Variants in SLC15A5 observed in about 807,000 individuals in gnomAD.
SLC15A5 encodes Peptide/histidine transporter ENSP00000340402.
SLC15A5 carries 58 observed loss-of-function variants against 56.1 expected under a neutral mutation model. The observed-to-expected ratio is 1.03, with a 90% CI of 0.84 to 1.29. SLC15A5 has a LOEUF of 1.29. Among genes scored for constraint, SLC15A5 ranks in the 50% most tolerant of loss-of-function variants. The pLI is 0.00. For synonymous variants in SLC15A5, 264 were observed against 250.5 expected (o/e 1.05, Z -0.51); for missense variants, 681 against 672.1 (o/e 1.01, Z -0.15).
At chr12:16,210,487 T>C (rs1172072904) in intron 7 of SLC15A5, among the ~76,000 whole-genome samples, 1 of 152,198 alleles carries the variant, frequency 6.6e-6, no homozygotes, top group Non-Finnish European at 1.5e-5. Flanking sequence ...ACCTGGAAGA[T>C]GTTGAGGTCC....
chr12:16,220,457 A>C (rs1277532782), intron 6 of SLC15A5, among the ~76,000 whole-genome samples: 5 of 152,148 alleles, frequency 3.3e-5, no homozygotes, highest in Admixed American at 1.3e-4. Flanking sequence ...TCTCCAATCT[A>C]CCTCAGCTTC....
chr12:16,192,703 CTGAACTCTGT>C (rs889405639), intron 8 of SLC15A5, among the ~76,000 whole-genome samples: 2 of 152,032 alleles, frequency 1.3e-5, no homozygotes, highest in Non-Finnish European at 2.9e-5. Context: ...CCATTTCTAC[CTGAACTCTGT>C]GCATGACTGC....
At chr12:16,203,804 A>G (rs1863986760) in intron 7 of SLC15A5, among the ~76,000 whole-genome samples, 1 of 152,148 alleles carries the variant, frequency 6.6e-6, no homozygotes, top group Non-Finnish European at 1.5e-5. Context: ...TGAAAAAGTA[A>G]AAGGGTCAAC....
At chr12:16,219,187 A>G (rs1008495530) in intron 6 of SLC15A5, among the ~76,000 whole-genome samples, 2 of 152,160 alleles carry the variant, frequency 1.3e-5, no homozygotes, top group African/African-American at 4.8e-5. Flanking sequence ...CTTTTCCCAC[A>G]AACGCTGATT....
At position 16,235,164 on chromosome 12, in the gene SLC15A5, CAT is replaced by C. The variant is rs1230232091; in HGVS notation, c.1162+4515_1162+4516del. 6.6e-6 allele frequency among the ~76,000 whole-genome samples: 1 copy of C among 151,292 alleles called. No individual in the cohort carries two copies. Among genetic ancestry groups the C allele is most frequent in the African/African-American group, 2.4e-5 (1 of 41,232 alleles). On this transcript the variant is annotated intron_variant, in intron 5 of 8. Transcript: ENST00000344941. The surrounding 1 kb of genome is among the most constrained non-coding windows in gnomAD (Gnocchi z 4.1). Reference sequence around the variant, plus strand: ...ATTTGTCACTCACTTTTTAGGGTGGCATATGTTTTTTATTTTTATTGTTTTCC... The same window carrying C: ...ATTTGTCACTCACTTTTTAGGGTGGCATGTTTTTTATTTTTATTGTTTTCC...
At chr12:16,210,535 G>A (rs1864069482) in intron 7 of SLC15A5, among the ~76,000 whole-genome samples, 1 of 152,128 alleles carries the variant, frequency 6.6e-6, no homozygotes, top group South Asian at 2.1e-4. Context: ...ATTATTTTTT[G>A]TGCACCTACA....
intron 2 of SLC15A5, among the ~76,000 whole-genome samples, chr12:16,259,024 C>CTTTTTTTTTTTTT (rs5796661): frequency 4.7e-5 from 3 of 63,216 alleles, no homozygotes; most frequent in Admixed American, 2.5e-4. Context: ...TCTTTCTTTC[C>CTTTTTTTTTTTTT]TTTTTTTTTT....
chr12:16,200,580 A>G (rs1045279062), intron 7 of SLC15A5, among the ~76,000 whole-genome samples: 2 of 152,120 alleles, frequency 1.3e-5, no homozygotes, highest in South Asian at 2.1e-4. Context: ...ACCCTCTTAC[A>G]GAAGTTTCAA....
In SLC15A5 at chr12:16,272,692, C is replaced by T; in HGVS notation, c.453G>A (p.Gln151=). ...GCAGTGCTACATAAAACAGCCTGTGCTGCTCTGTTTTTGGTATGTTGTTAA... is the reference window on the plus strand; with the variant it reads ...GCAGTGCTACATAAAACAGCCTGTGTTGCTCTGTTTTTGGTATGTTGTTAA... The part of the protein sequence containing the change: ...HAVNNIPKTE[Q]HRLFYVALLT... Residue 151 remains glutamine (Q), a synonymous_variant, in exon 2 of 9, where the codon CAG becomes CAA. Coordinates refer to ENST00000344941, the MANE Select transcript of SLC15A5 (RefSeq NM_001170798.1). The T allele has an allele frequency of 6.5e-7, 1 of 1,537,206 alleles. No homozygotes were observed. Among genetic ancestry groups the T allele is most frequent in the Non-Finnish European group, 8.7e-7 (1 of 1,146,774 alleles).
chr12:16,274,340 T>A (rs1366315102), intron 1 of SLC15A5, among the ~76,000 whole-genome samples: 3 of 152,140 alleles, frequency 2.0e-5, no homozygotes, highest in Non-Finnish European at 4.4e-5. Flanking sequence ...ATTTTTTTGT[T>A]TTGATGATTC....
At chr12:16,251,342 G>A (rs1305605494) in intron 3 of SLC15A5, among the ~76,000 whole-genome samples, 3 of 151,690 alleles carry the variant, frequency 2.0e-5, no homozygotes, top group Non-Finnish European at 4.4e-5. Context: ...AAAGATTAGA[G>A]CAGAGATAAA....
chr12:16,192,487 C>A lies in SLC15A5; in HGVS notation c.1592+1858G>T, dbSNP rs1863846674. 2.6e-5 allele frequency among the ~76,000 whole-genome samples: 4 copies of A among 152,070 alleles called. No homozygotes were observed. The South Asian group carries it at 8.3e-4, about 31-fold the overall frequency. ...CACTCCACGCCACTATTTCTCACTT[C>A]TTTACAGGAACTCACTAGTTCCACA... is the stretch of plus-strand genomic sequence containing the variant. On this transcript the variant is annotated intron_variant, in intron 8 of 8. Coordinates refer to ENST00000344941, the MANE Select transcript of SLC15A5 (RefSeq NM_001170798.1).
chr12:16,274,584 A>G (rs903388622), intron 1 of SLC15A5, among the ~76,000 whole-genome samples: 1 of 152,110 alleles, frequency 6.6e-6, no homozygotes, highest in African/African-American at 2.4e-5. Context: ...AGATTCATTT[A>G]CCATGAGGTG....
intron 4 of SLC15A5, among the ~76,000 whole-genome samples, chr12:16,242,985 T>A: frequency 6.6e-6 from 1 of 152,354 alleles, no homozygotes; most frequent in East Asian, 1.9e-4. Context: ...ATCTTCTAAA[T>A]CAGACTAGCT....
intron 2 of SLC15A5, among the ~76,000 whole-genome samples, chr12:16,260,757 C>T (rs554323402): frequency 7.6e-5 from 9 of 118,494 alleles, no homozygotes; most frequent in Non-Finnish European, 1.6e-4. Flanking sequence ...AGTATTTTCC[C>T]GTTTTTTTTT....
chr12:16,247,956 C>G (rs1864478712), intron 3 of SLC15A5, among the ~76,000 whole-genome samples: 2 of 151,952 alleles, frequency 1.3e-5, no homozygotes, highest in Non-Finnish European at 2.9e-5. Context: ...TAGTGGTGAC[C>G]CAGACTAGTA....
intron 5 of SLC15A5, among the ~76,000 whole-genome samples, chr12:16,226,259 G>T (rs2136250346): frequency 6.6e-6 from 1 of 151,988 alleles, no homozygotes; most frequent in African/African-American, 2.4e-5. Flanking sequence ...TATTGTTTAG[G>T]GAATAATGAC....
chr12:16,204,168 A>G (rs1244050366), intron 7 of SLC15A5, among the ~76,000 whole-genome samples: 2 of 152,128 alleles, frequency 1.3e-5, no homozygotes, highest in East Asian at 3.9e-4. Context: ...TAAAAATAGG[A>G]TTGGGGTCTG....
intron 1 of SLC15A5, among the ~76,000 whole-genome samples, 168 bp from the exon 2 acceptor site, chr12:16,272,951 G>T (rs1864775951): frequency 6.6e-6 from 1 of 151,532 alleles, no homozygotes; most frequent in Non-Finnish European, 1.5e-5. Context: ...TTTTCCAATT[G>T]TAAAAATTTC....
Sources: allele counts gnomAD v4.1 joint callset (sites outside exome capture counted in the v4.1 genomes callset), GRCh38; gene constraint gnomAD v4.1.1; non-coding constraint Gnocchi (gnomAD v3.1); transcripts MANE v1.5; gene names NCBI Gene and HGNC (gene_info 2026-07-23, HGNC 2026-07-21).